The following PNPLA7 variants were observed in gnomAD, a reference collection of about 807,000 sequenced individuals.
PNPLA7 encodes patatin like domain 7, lysophospholipase, also known as patatin-like phospholipase domain-containing protein 7.
PNPLA7 carries 153 observed loss-of-function variants against 161.7 expected under a neutral mutation model. That is an observed-to-expected ratio of 0.95 (90% CI 0.83 to 1.08). The LOEUF is 1.08. PNPLA7 is among the 50% of genes least tolerant of loss of function. The probability of loss-of-function intolerance (pLI) is 0.00; values close to 1 mark genes in which losing one functional copy is unlikely to be tolerated. For synonymous variants in PNPLA7, 809 were observed against 782.1 expected (o/e 1.03, Z -0.57); for missense variants, 1,739 against 1,856.6 (o/e 0.94, Z 1.16).
intron 12 of PNPLA7, chr9:137,508,851 T>C (rs1329235497): frequency 6.6e-6 from 1 of 152,190 alleles, no homozygotes; most frequent in Non-Finnish European, 1.5e-5. Context: ...AAAGGAATCA[T>C]ACAGAGAATA....
chr9:137,467,513 G>A lies in PNPLA7; in HGVS notation c.2883-40C>T, dbSNP rs201853336. The A allele has an allele frequency of 2.2e-4, 348 of 1,604,546 alleles. No individual in the cohort carries two copies. The highest frequency in any genetic ancestry group is 2.6e-4 in the Non-Finnish European group (307 of 1,175,686). ...GACACAGAGCAAGGAGTGAGTACCA[G>A]GCCCAGGCTGCGCCCTGCAGAGGCC... On this transcript the variant is annotated intron_variant, in intron 25 of 34. Coordinates refer to ENST00000406427, the MANE Select transcript of PNPLA7 (RefSeq NM_001098537.3). This position sits in a 1 kb window ranked among gnomAD's most constrained non-coding sequence, Gnocchi z 5.1.
Position 137,460,144 on chromosome 9 carries a change from T to G in PNPLA7, c.*249A>C. ...GGGGGCCTCACAGGGCTGCAGGGGG[T>G]TCACAGAGCTTCAGGGGCCTCACAG... On this transcript the variant is annotated 3_prime_UTR_variant, in exon 35 of 35. Transcript: ENST00000406427. 9.9e-6 allele frequency: 4 copies of G among 405,446 alleles called. No homozygotes were observed. The highest frequency in any genetic ancestry group is 5.6e-5 in the South Asian group (2 of 35,534). The allele number at this position is 405,446 out of a possible 1,614,324, so 25.1% of individuals were successfully genotyped here.
intron 23 of PNPLA7, 74 bp downstream of exon 23, chr9:137,480,238 C>A: frequency 6.6e-7 from 1 of 1,519,952 alleles, no homozygotes; most frequent in Non-Finnish European, 8.9e-7. Flanking sequence ...CAGTATTTTA[C>A]TCAAAGGAAA....
In PNPLA7 at chr9:137,468,229, G is replaced by T. The variant is rs1831565659; in HGVS notation, c.2883-756C>A. 6.6e-6 allele frequency among the ~76,000 whole-genome samples: 1 copy of T among 150,700 alleles called. No individual in the cohort carries two copies. Among genetic ancestry groups the T allele is most frequent in the Non-Finnish European group, 1.5e-5 (1 of 67,804 alleles). On this transcript the variant is annotated intron_variant, in intron 25 of 34. Transcript: ENST00000406427. The surrounding 1 kb of genome is among the most constrained non-coding windows in gnomAD (Gnocchi z 4.0). ...CCGAGACCAGGCAGCCGGCACCCAG[G>T]GCCTCTAATTGCTACTGCTGCTTTC... is the stretch of plus-strand genomic sequence containing the variant.
chr9:137,541,806 G>A lies in PNPLA7; in HGVS notation c.666+836C>T, dbSNP rs1836221319. Among the ~76,000 whole-genome samples the A allele has an allele frequency of 2.0e-5, 3 of 151,678 alleles. 1 individual carries two copies. In the South Asian group the frequency reaches 6.2e-4, roughly 32 times the overall value. ...CCCGAATTTTTTTTTTTTTGAGACA[G>A]GGTCTCGCTCTGTCGCCCAGGCTGG... On this transcript the variant is annotated intron_variant, in intron 7 of 34. Coordinates refer to ENST00000406427, the MANE Select transcript of PNPLA7 (RefSeq NM_001098537.3). This position sits in a 1 kb window ranked among gnomAD's most constrained non-coding sequence, Gnocchi z 4.4.
intron 28 of PNPLA7, 38 bp downstream of exon 28, chr9:137,464,088 G>A (rs993615479): frequency 7.5e-6 from 12 of 1,601,418 alleles, no homozygotes; most frequent in African/African-American, 1.3e-5. Flanking sequence ...CCCACACCTC[G>A]CACCCAAGCG....
chr9:137,522,275 CGTGTG>C (rs1564349732), intron 9 of PNPLA7, among the ~76,000 whole-genome samples: 2 of 151,266 alleles, frequency 1.3e-5, no homozygotes, highest in East Asian at 3.9e-4. Flanking sequence ...GGGGTTTCAC[CGTGTG>C]AGCCAGGATG....
At chr9:137,471,015 G>T (rs1211887505) in intron 25 of PNPLA7, among the ~76,000 whole-genome samples, 3 of 152,258 alleles carry the variant, frequency 2.0e-5, no homozygotes, top group Non-Finnish European at 2.9e-5. Flanking sequence ...TGGAATGAGG[G>T]TTGGGTGTCT....
chr9:137,523,515 C>T lies in PNPLA7; in HGVS notation c.748-658G>A, dbSNP rs569150716. On this transcript the variant is annotated intron_variant, in intron 8 of 34. Coordinates refer to ENST00000406427, the MANE Select transcript of PNPLA7 (RefSeq NM_001098537.3). This position sits in a 1 kb window ranked among gnomAD's most constrained non-coding sequence, Gnocchi z 4.4. ...ATTGGTGGGCTCTAGAGAGAAAAGG[C>T]TGTTTTTAAATCACGCTGTGATCTG... Among the ~76,000 whole-genome samples, 1 of 152,296 alleles carries T rather than the reference C, an allele frequency of 6.6e-6. No individual in the cohort carries two copies. Among genetic ancestry groups the T allele is most frequent in the African/African-American group, 2.4e-5 (1 of 41,564 alleles).
chr9:137,470,753 A>G (rs1463387495), intron 25 of PNPLA7, among the ~76,000 whole-genome samples: 2 of 152,252 alleles, frequency 1.3e-5, no homozygotes, highest in Non-Finnish European at 2.9e-5. Context: ...TAACTTTAAC[A>G]TCAGGACGAA....
In PNPLA7 at chr9:137,520,187, A is replaced by ACTCTCAAAGGTGTGACAGGTGTGGGC. The variant is rs1564346941; in HGVS notation, c.958-170_958-145dup. ...CCCTCAAAGGTGTGACAGGTGTGGG[A>ACTCTCAAAGGTGTGACAGGTGTGGGC]CTCTCAAAGGTGTGACAGGTGTGGG... On this transcript the variant is annotated intron_variant, in intron 10 of 34. Transcript: ENST00000406427. This position sits in a 1 kb window ranked among gnomAD's most constrained non-coding sequence, Gnocchi z 5.2. 6.5e-6 allele frequency: 8 copies of ACTCTCAAAGGTGTGACAGGTGTGGGC among 1,226,188 alleles called. 1 individual carries two copies. Among genetic ancestry groups the ACTCTCAAAGGTGTGACAGGTGTGGGC allele is most frequent in the South Asian group, 4.4e-5 (3 of 68,928 alleles). 76.0% of individuals were successfully genotyped at this position (1,226,188 alleles called of 1,614,324 possible).
At chr9:137,504,145 AAGG>A (rs138735891) in intron 14 of PNPLA7, among the ~76,000 whole-genome samples, 3,056 of 149,176 alleles carry the variant, frequency 0.02, 114 homozygotes, top group African/African-American at 0.071. Flanking sequence ...AGAAAAAAGA[AAGG>A]AAGAAGAAGA....
chr9:137,544,617 G>A (rs1270021407), intron 4 of PNPLA7, among the ~76,000 whole-genome samples: 1 of 152,146 alleles, frequency 6.6e-6, no homozygotes, highest in African/African-American at 2.4e-5. Context: ...CCCCTCTTGA[G>A]TTTCTCAATT....
rs1327049944 is a variant in PNPLA7 at position 137,540,739 on chromosome 9, G to C, written c.667-17C>G. On this transcript the variant is annotated splice_polypyrimidine_tract_variant and intron_variant, in intron 7 of 34. Coordinates refer to ENST00000406427, the MANE Select transcript of PNPLA7 (RefSeq NM_001098537.3). This position sits in a 1 kb window ranked among gnomAD's most constrained non-coding sequence, Gnocchi z 5.1. The stretch of plus-strand genomic sequence containing the variant: ...GGTGCCGTCCTGCGCTTGGAGAGCA[G>C]AGTGGGTGCCGTCAGGTCTGGGGCT... The C allele has an allele frequency of 2.5e-6, 4 of 1,602,588 alleles. No individual in the cohort carries two copies. The South Asian group carries it at 4.5e-5, about 18-fold the overall frequency.
intron 14 of PNPLA7, among the ~76,000 whole-genome samples, chr9:137,503,888 G>GAA (rs1833715853): frequency 2.4e-5 from 1 of 40,834 alleles, no homozygotes. Context: ...GAAAGAAGAA[G>GAA]GAAGAAGAAG....
chr9:137,540,563 C>G lies in PNPLA7; in HGVS notation c.747+79G>C. The G allele has an allele frequency of 1.6e-6, 2 of 1,283,798 alleles. No individual in the cohort carries two copies. Among genetic ancestry groups the G allele is most frequent in the Non-Finnish European group, 2.2e-6 (2 of 914,218 alleles). 79.5% of individuals were successfully genotyped at this position (1,283,798 alleles called of 1,614,324 possible). ...AGAACTGGCCTTTAACCACTACCAG[C>G]TGTCCAGACAAGACAGAAAAACCAG... On this transcript the variant is annotated intron_variant, in intron 8 of 34. Coordinates refer to ENST00000406427, the MANE Select transcript of PNPLA7 (RefSeq NM_001098537.3). The surrounding 1 kb of genome is among the most constrained non-coding windows in gnomAD (Gnocchi z 5.1).
chr9:137,543,706 C>G lies in PNPLA7; in HGVS notation c.365+18G>C, dbSNP rs764405913. On this transcript the variant is annotated intron_variant, in intron 5 of 34. Coordinates refer to ENST00000406427, the MANE Select transcript of PNPLA7 (RefSeq NM_001098537.3). This position sits in a 1 kb window ranked among gnomAD's most constrained non-coding sequence, Gnocchi z 6.9. The stretch of plus-strand genomic sequence containing the variant: ...GGGGGCACCTGGGGCAGGATGTGGT[C>G]TGAAGGACACACAGTACCTCTTGGC... 4.3e-6 allele frequency: 7 copies of G among 1,613,524 alleles called. No homozygotes were observed. The South Asian group carries it at 6.6e-5, about 15-fold the overall frequency.
chr9:137,485,930 C>G (rs996684416), intron 20 of PNPLA7, among the ~76,000 whole-genome samples: 2 of 152,286 alleles, frequency 1.3e-5, no homozygotes, highest in African/African-American at 2.4e-5. Flanking sequence ...TGGATGCCGT[C>G]TGGCGAGTGG....
intron 25 of PNPLA7, among the ~76,000 whole-genome samples, chr9:137,475,341 C>T (rs1024371042): frequency 2.0e-5 from 3 of 152,152 alleles, no homozygotes; most frequent in South Asian, 2.1e-4. Context: ...TGCCACTGCA[C>T]GCCAGCCTGG....
Sources: gnomAD v4.1 joint callset for allele counts (sites outside exome capture counted in the v4.1 genomes callset) on GRCh38, gnomAD v4.1.1 for gene constraint, Gnocchi (gnomAD v3.1) non-coding constraint, MANE v1.5 for transcripts, NCBI Gene and HGNC (gene_info 2026-07-23, HGNC 2026-07-21) for gene names.